The following FAT3 variants were observed in gnomAD, a reference collection of about 807,000 sequenced individuals.
The protein encoded by FAT3 is FAT atypical cadherin 3, also known as protocadherin Fat 3.
FAT3 carries 95 observed loss-of-function variants against 310.2 expected under a neutral mutation model. The observed-to-expected ratio is 0.31, with a 90% confidence interval of 0.26 to 0.36. The LOEUF (loss-of-function observed/expected upper bound fraction) is 0.36, where lower values mean the gene tolerates loss of function less well. Ranked by LOEUF, FAT3 falls within the 10% of genes least tolerant of loss-of-function variation. The pLI is 1.00. For missense variants in FAT3, 5,408 were observed against 5,715.6 expected (o/e 0.95, Z 1.74); for synonymous variants, 2,314 against 2,192.9 (o/e 1.06, Z -1.54).
In FAT3 at chr11:92,230,084, G is replaced by A. The variant is rs1325894829; in HGVS notation, c.-18+4910G>A. The stretch of plus-strand genomic sequence containing the variant: ...GGACCCTGAGAGGAGTCCTTGAGCA[G>A]TTGTTAGTATTTCAACGTTCTGCTC... On this transcript the variant is annotated intron_variant, in intron 1 of 27. Coordinates refer to ENST00000525166, the MANE Select transcript of FAT3 (RefSeq NM_001367949.2). Among the ~76,000 whole-genome samples the A allele has an allele frequency of 2.0e-5, 3 of 152,018 alleles. No homozygotes were observed. In the East Asian group the frequency reaches 5.8e-4, roughly 29 times the overall value.
In FAT3 at chr11:92,352,819, G is replaced by C; in HGVS notation, c.707G>C (p.Arg236Pro). The C allele has an allele frequency of 6.2e-7, 1 of 1,613,868 alleles. No individual in the cohort carries two copies. The highest frequency in any genetic ancestry group is 8.5e-7 in the Non-Finnish European group (1 of 1,179,876). The change falls in exon 2 of 28, where the codon CGG becomes CCG. Residue 236 changes from arginine to proline, a missense_variant. By Grantham distance (103) the Arg-to-Pro change is moderately radical. Around this residue, in one of 5 missense-constraint regions of FAT3, gnomAD observed 4,588 missense variants for 4,809.8 expected, o/e 0.95. Coordinates refer to ENST00000525166, the MANE Select transcript of FAT3 (RefSeq NM_001367949.2). The part of the protein sequence containing the change: ...RYDLEILAVD[R>P]GMKLYGNNGV... The stretch of plus-strand genomic sequence containing the variant: ...GATCTGGAAATTTTGGCTGTGGACC[G>C]GGGAATGAAACTGTATGGGAACAAT...
chr11:92,839,611 C>T (rs760735346), intron 17 of FAT3, among the ~76,000 whole-genome samples: 19 of 152,290 alleles, frequency 1.2e-4, no homozygotes, highest in Non-Finnish European at 5.9e-5. Context: ...CTTGACTGGG[C>T]CTGCCCTCCA....
chr11:92,243,335 C>T (rs1030481430), intron 1 of FAT3, among the ~76,000 whole-genome samples: 1 of 151,898 alleles, frequency 6.6e-6, no homozygotes, highest in African/African-American at 2.4e-5. Context: ...ACAGATGATT[C>T]AATTGAATGT....
intron 2 of FAT3, among the ~76,000 whole-genome samples, chr11:92,508,076 G>A (rs1007225375): frequency 6.6e-6 from 1 of 152,240 alleles, no homozygotes; most frequent in South Asian, 2.1e-4. Context: ...AAGTTTTTAA[G>A]TCACACAACA....
At position 92,857,200 on chromosome 11, in the gene FAT3, C is replaced by G. The variant is rs781518075; in HGVS notation, c.11366-14C>G. On this transcript the variant is annotated splice_polypyrimidine_tract_variant and intron_variant, in intron 19 of 27. Transcript: ENST00000525166. ...CTTTGTGTACTGATCATGCATATTC[C>G]ACCTTTGTCACAGGAGGACTGTGTC... 1.9e-6 allele frequency: 3 copies of G among 1,613,852 alleles called. No homozygotes were observed. The highest frequency in any genetic ancestry group is 3.3e-5 in the Admixed American group (2 of 60,024).
intron 2 of FAT3, among the ~76,000 whole-genome samples, chr11:92,442,896 T>C (rs1014346409): frequency 6.6e-6 from 1 of 152,198 alleles, no homozygotes; most frequent in Admixed American, 6.5e-5. Flanking sequence ...AAAATGGTGA[T>C]AAAGCTTCCC....
Position 92,798,950 on chromosome 11 carries a change from C to T in FAT3, c.5937C>T (p.Gly1979=). Residue 1979 remains glycine (G), a synonymous_variant, in exon 10 of 28, where the codon GGC becomes GGT. Transcript: ENST00000525166. Reference sequence around the variant, plus strand: ...TGGTTAAAGAAGCCATGGACAGCGGCCTCCACTTTACACAAAGCTTCTATT... The same window carrying T: ...TGGTTAAAGAAGCCATGGACAGCGGTCTCCACTTTACACAAAGCTTCTATT... The part of the protein sequence containing the change: ...TIMVKEAMDS[G]LHFTQSFYST... The T allele has an allele frequency of 6.2e-7, 1 of 1,613,964 alleles. No individual in the cohort carries two copies.
intron 2 of FAT3, among the ~76,000 whole-genome samples, chr11:92,495,847 G>T (rs1267397749): frequency 6.6e-6 from 1 of 152,036 alleles, no homozygotes; most frequent in Non-Finnish European, 1.5e-5. Context: ...GCTGTGTAGT[G>T]TGAGCTACAT....
At chr11:92,756,688 C>T (rs967760357) in intron 4 of FAT3, among the ~76,000 whole-genome samples, 7 of 152,032 alleles carry the variant, frequency 4.6e-5, no homozygotes, top group Non-Finnish European at 1.0e-4. Context: ...AAGGAGACAA[C>T]AAAAATAAAT....
In FAT3 at chr11:92,854,727, CT is replaced by C. The variant is rs1020663317; in HGVS notation, c.11366-2481del. ...ATCATGCATCTGAAATTATCTGGCC[CT>C]TTTTTCCCCCTTTGGAACAGTGGCT... On this transcript the variant is annotated intron_variant, in intron 19 of 27. Coordinates refer to ENST00000525166, the MANE Select transcript of FAT3 (RefSeq NM_001367949.2). 4.7e-4 allele frequency among the ~76,000 whole-genome samples: 72 copies of C among 152,254 alleles called. 1 individual carries two copies. In the East Asian group the frequency reaches 0.011, roughly 24 times the overall value.
Position 92,800,468 on chromosome 11 carries a change from G to T in FAT3, c.7455G>T (p.Arg2485Ser), listed in dbSNP as rs1427660079. 2.5e-6 allele frequency: 4 copies of T among 1,613,840 alleles called. No individual in the cohort carries two copies. The highest frequency in any genetic ancestry group is 3.4e-6 in the Non-Finnish European group (4 of 1,179,884). The change falls in exon 10 of 28, where the codon AGG (arginine) becomes AGT (serine). Residue 2485 changes from arginine to serine, a missense_variant. Arg to Ser is a moderately radical substitution (Grantham distance 110). Around this residue, in one of 5 missense-constraint regions of FAT3, gnomAD observed 4,588 missense variants for 4,809.8 expected, o/e 0.95. Transcript: ENST00000525166. ...CCAGCACTGCACAGGTGCATATTAG[G>T]GTACTTGGGGCTAACTTGTACAGCC... ...LFTSTAQVHI[R>S]VLGANLYSPA... is the part of the protein sequence containing the mutation.
At chr11:92,565,273 A>G (rs1436723819) in intron 3 of FAT3, among the ~76,000 whole-genome samples, 1 of 151,618 alleles carries the variant, frequency 6.6e-6, no homozygotes, top group Non-Finnish European at 1.5e-5. Context: ...ACGCAAATAA[A>G]CTAGAAAATC....
chr11:92,282,562 G>A (rs915349888), intron 1 of FAT3, among the ~76,000 whole-genome samples: 1 of 151,920 alleles, frequency 6.6e-6, no homozygotes, highest in African/African-American at 2.4e-5. Flanking sequence ...CTACTCGGGA[G>A]GCTGAGGCAG....
intron 2 of FAT3, among the ~76,000 whole-genome samples, chr11:92,370,036 G>T (rs1461395836): frequency 6.6e-6 from 1 of 152,118 alleles, no homozygotes. Flanking sequence ...AAGGGCTTTT[G>T]AGAGCTGCGC....
intron 4 of FAT3, among the ~76,000 whole-genome samples, chr11:92,701,577 C>A (rs193065717): frequency 2.0e-5 from 3 of 152,304 alleles, no homozygotes; most frequent in East Asian, 3.9e-4. Flanking sequence ...TTGGCCTGAT[C>A]TTCTCTTCCT....
intron 2 of FAT3, among the ~76,000 whole-genome samples, chr11:92,507,673 CAT>C (rs10560713): frequency 0.036 from 5,345 of 149,720 alleles, 311 homozygotes; most frequent in African/African-American, 0.13. Context: ...TATATGTACA[CAT>C]ATGCACACAT....
At chr11:92,715,363 G>A (rs544858824) in intron 4 of FAT3, among the ~76,000 whole-genome samples, 3 of 151,710 alleles carry the variant, frequency 2.0e-5, no homozygotes, top group East Asian at 3.9e-4. Flanking sequence ...AACCAAGATC[G>A]CACCACTGCA....
intron 2 of FAT3, among the ~76,000 whole-genome samples, chr11:92,506,373 C>A (rs1953100202): frequency 6.6e-6 from 1 of 152,072 alleles, no homozygotes. Context: ...TAAATTGAGC[C>A]AAAAGCTACA....
chr11:92,288,338 G>GA (rs1437287544), intron 1 of FAT3, among the ~76,000 whole-genome samples: 1 of 152,124 alleles, frequency 6.6e-6, no homozygotes, highest in East Asian at 1.9e-4. Context: ...AGTTTTAGTT[G>GA]AGCAAGATGA....
Sources: allele counts gnomAD v4.1 joint callset (sites outside exome capture counted in the v4.1 genomes callset), GRCh38; gene constraint gnomAD v4.1.1; regional missense constraint gnomAD v4.1.1; transcripts MANE v1.5; gene names NCBI Gene and HGNC (gene_info 2026-07-23, HGNC 2026-07-21).